Variants in MAGI2 observed in about 807,000 individuals in gnomAD.
MAGI2 encodes the protein membrane-associated guanylate kinase, WW and PDZ domain-containing protein 2.
In MAGI2, 35 loss-of-function variants were observed where a neutral mutation model predicts 133.3. The observed-to-expected ratio is 0.26, with a 90% CI of 0.20 to 0.35. The LOEUF is 0.35. Among genes scored for constraint, MAGI2 ranks in the 10% least tolerant of loss-of-function variants. The probability of loss-of-function intolerance (pLI) is 1.00; values close to 1 mark genes in which losing one functional copy is unlikely to be tolerated. For synonymous variants in MAGI2, 729 were observed against 710.6 expected (o/e 1.03, Z -0.41); for missense variants, 1,636 against 1,863.4 (o/e 0.88, Z 2.25).
At chr7:79,109,290 A>T (rs189100818) in intron 1 of MAGI2, among the ~76,000 whole-genome samples, 2 of 152,306 alleles carry the variant, frequency 1.3e-5, no homozygotes, top group Admixed American at 1.3e-4. Flanking sequence ...TTGTGACTGA[A>T]TTCTGATAGT....
intron 2 of MAGI2, among the ~76,000 whole-genome samples, chr7:78,747,361 C>A (rs1202461832): frequency 7.9e-5 from 12 of 151,954 alleles, no homozygotes; most frequent in Admixed American, 7.9e-4. Context: ...ATAAGAAATG[C>A]ATTATTTGAA....
chr7:79,171,770 A>ATATATATT, intron 1 of MAGI2, among the ~76,000 whole-genome samples: 8 of 31,222 alleles, frequency 2.6e-4, no homozygotes, highest in Non-Finnish European at 3.3e-4. Flanking sequence ...ATATATATAT[A>ATATATATT]TTTTTTTTTT....
intron 3 of MAGI2, among the ~76,000 whole-genome samples, chr7:78,526,364 T>C (rs559937875): frequency 6.6e-6 from 1 of 152,340 alleles, no homozygotes; most frequent in East Asian, 1.9e-4. Context: ...TGTGTGTGTT[T>C]GTATTTTAAG....
intron 5 of MAGI2, among the ~76,000 whole-genome samples, chr7:78,497,134 A>G (rs1382665419): frequency 6.6e-6 from 1 of 151,168 alleles, no homozygotes; most frequent in Non-Finnish European, 1.5e-5. Flanking sequence ...TTTACAATTA[A>G]TATACTGCCT....
intron 2 of MAGI2, among the ~76,000 whole-genome samples, chr7:78,751,515 T>C (rs1823457408): frequency 6.6e-6 from 1 of 152,218 alleles, no homozygotes; most frequent in Non-Finnish European, 1.5e-5. Context: ...CATTTAGCAA[T>C]TACAATTTAA....
At chr7:78,671,798 G>A (rs1814422792) in intron 2 of MAGI2, among the ~76,000 whole-genome samples, 1 of 152,090 alleles carries the variant, frequency 6.6e-6, no homozygotes, top group Admixed American at 6.6e-5. Flanking sequence ...CCAAGTCTGT[G>A]ATTATTTAAA....
At chr7:79,327,300 T>C (rs925709865) in intron 1 of MAGI2, among the ~76,000 whole-genome samples, 1 of 152,178 alleles carries the variant, frequency 6.6e-6, no homozygotes, top group African/African-American at 2.4e-5. Flanking sequence ...GGTATGAATA[T>C]GGGTAGCATA....
At chr7:79,174,735 C>A (rs1825941886) in intron 1 of MAGI2, among the ~76,000 whole-genome samples, 1 of 151,334 alleles carries the variant, frequency 6.6e-6, no homozygotes, top group African/African-American at 2.4e-5. Flanking sequence ...CACTCATTCT[C>A]TAGGTAGACA....
At chr7:79,207,349 A>G in intron 1 of MAGI2, among the ~76,000 whole-genome samples, 1 of 151,986 alleles carries the variant, frequency 6.6e-6, no homozygotes, top group South Asian at 2.1e-4. Flanking sequence ...AGAATTAGAA[A>G]AAATGAATGA....
intron 2 of MAGI2, among the ~76,000 whole-genome samples, chr7:78,675,681 T>A (rs1245621749): frequency 6.6e-6 from 1 of 152,132 alleles, no homozygotes; most frequent in African/African-American, 2.4e-5. Flanking sequence ...GATGAGGTAA[T>A]ATAAATGAAA....
chr7:78,665,103 CT>C (rs1299477318), intron 2 of MAGI2, among the ~76,000 whole-genome samples: 1 of 151,962 alleles, frequency 6.6e-6, no homozygotes, highest in Non-Finnish European at 1.5e-5. Context: ...ATTTTCAGCT[CT>C]TAAAAACAGT....
At chr7:79,326,019 A>T (rs2129085855) in intron 1 of MAGI2, among the ~76,000 whole-genome samples, 1 of 152,240 alleles carries the variant, frequency 6.6e-6, no homozygotes, top group East Asian at 1.9e-4. Flanking sequence ...TCACCCCCAA[A>T]TAAGCACCGA....
chr7:79,303,738 A>C (rs151316911), intron 1 of MAGI2, among the ~76,000 whole-genome samples: 3 of 152,292 alleles, frequency 2.0e-5, no homozygotes, highest in African/African-American at 7.2e-5. Context: ...AGTAACTATC[A>C]CTGGTTAATA....
chr7:78,331,654 T>G (rs551627296), intron 9 of MAGI2, among the ~76,000 whole-genome samples: 1 of 152,324 alleles, frequency 6.6e-6, no homozygotes, highest in East Asian at 1.9e-4. Context: ...TATCTTCCAG[T>G]CCATTTCTAT....
intron 1 of MAGI2, among the ~76,000 whole-genome samples, chr7:79,095,385 T>C (rs1288754540): frequency 1.3e-5 from 2 of 152,228 alleles, no homozygotes; most frequent in African/African-American, 2.4e-5. Flanking sequence ...TTAGCTTCAA[T>C]AACTTTTCCT....
chr7:78,324,576 G>A (rs972729775), intron 9 of MAGI2, among the ~76,000 whole-genome samples: 1 of 144,460 alleles, frequency 6.9e-6, no homozygotes, highest in Non-Finnish European at 1.6e-5. Context: ...TAAGAATGTG[G>A]CACAATGTCA....
intron 10 of MAGI2, among the ~76,000 whole-genome samples, chr7:78,244,457 A>G (rs1453321241): frequency 6.6e-6 from 1 of 152,020 alleles, no homozygotes; most frequent in African/African-American, 2.4e-5. Flanking sequence ...AAAAAACAAA[A>G]CCTAACACAC....
At chr7:78,206,842 C>T (rs1467299511) in intron 10 of MAGI2, among the ~76,000 whole-genome samples, 1 of 151,962 alleles carries the variant, frequency 6.6e-6, no homozygotes, top group East Asian at 1.9e-4. Flanking sequence ...TTCTAGTTCT[C>T]TTTTTTTTAA....
chr7:78,243,255 ACACACACACACACACTCT>A (rs1358755387), intron 10 of MAGI2, among the ~76,000 whole-genome samples: 24 of 42,330 alleles, frequency 5.7e-4, no homozygotes, highest in Admixed American at 1.4e-3. Context: ...ACACACACAC[ACACACACACACACACTCT>A]CTCTCTCTCT....
Sources: allele counts gnomAD v4.1 joint callset (sites outside exome capture counted in the v4.1 genomes callset), GRCh38; gene constraint gnomAD v4.1.1; transcripts MANE v1.5; gene names NCBI Gene and HGNC (gene_info 2026-07-23, HGNC 2026-07-21).